KALRN: variants seen among roughly 807,000 people sequenced by gnomAD.
KALRN encodes kalirin.
KALRN carries 70 observed loss-of-function variants against 353.7 expected under a neutral mutation model. The observed-to-expected ratio is 0.20, with a 90% CI of 0.16 to 0.24. The LOEUF (loss-of-function observed/expected upper bound fraction) is 0.24. Ranked by LOEUF, KALRN falls within the 10% of genes least tolerant of loss-of-function variation. The pLI is 1.00. For missense variants in KALRN, 2,791 were observed against 3,756.7 expected (o/e 0.74, Z 6.72); for synonymous variants, 1,391 against 1,434.8 (o/e 0.97, Z 0.69).
intron 9 of KALRN, among the ~76,000 whole-genome samples, chr3:124,342,867 G>A (rs1008510221): frequency 1.3e-5 from 2 of 152,146 alleles, no homozygotes; most frequent in Non-Finnish European, 2.9e-5. Flanking sequence ...AAAAAAATAT[G>A]TTATGTCTGT....
chr3:124,605,918 A>G (rs556757409), intron 34 of KALRN, among the ~76,000 whole-genome samples: 1 of 152,194 alleles, frequency 6.6e-6, no homozygotes, highest in South Asian at 2.1e-4. Context: ...CTATCCCAAC[A>G]CACACATCAA....
At chr3:124,634,504 C>T (rs953448019) in intron 36 of KALRN, among the ~76,000 whole-genome samples, 5 of 152,202 alleles carry the variant, frequency 3.3e-5, no homozygotes, top group Non-Finnish European at 5.9e-5. Flanking sequence ...TTCCCCGGCC[C>T]GCTGGCATGC....
intron 33 of KALRN, among the ~76,000 whole-genome samples, chr3:124,545,521 G>A (rs567461579): frequency 2.0e-5 from 3 of 152,286 alleles, no homozygotes; most frequent in South Asian, 4.1e-4. Context: ...TGTAGGCAGT[G>A]TGGGAAGCTC....
intron 34 of KALRN, among the ~76,000 whole-genome samples, chr3:124,607,735 G>A (rs1265243492): frequency 1.3e-5 from 2 of 151,722 alleles, no homozygotes; most frequent in Non-Finnish European, 2.9e-5. Context: ...TCCTGCCTCA[G>A]CCTCTCAAGT....
At chr3:124,667,548 CACAGCT>C (rs2085798481) in intron 47 of KALRN, among the ~76,000 whole-genome samples, 1 of 152,192 alleles carries the variant, frequency 6.6e-6, no homozygotes, top group Admixed American at 6.5e-5. Context: ...TTCCACTTTT[CACAGCT>C]TCTGTAGTGT....
At chr3:124,096,752 A>G (rs991160323) in intron 1 of KALRN, 1 of 152,174 alleles carries the variant, frequency 6.6e-6, no homozygotes, top group South Asian at 2.1e-4. Context: ...TAATCTTAAA[A>G]ATTGGAATAT....
At chr3:124,268,394 T>C (rs2073811763) in intron 4 of KALRN, among the ~76,000 whole-genome samples, 1 of 152,164 alleles carries the variant, frequency 6.6e-6, no homozygotes, top group Non-Finnish European at 1.5e-5. Context: ...AGAAACTAGG[T>C]CAGTTTTTCT....
At chr3:124,623,427 C>CACACACACAA (rs139583497) in intron 34 of KALRN, among the ~76,000 whole-genome samples, 1 of 147,016 alleles carries the variant, frequency 6.8e-6, no homozygotes, top group Non-Finnish European at 1.5e-5. Flanking sequence ...CACACACACA[C>CACACACACAA]AAAAGGGAGT....
intron 1 of KALRN, among the ~76,000 whole-genome samples, chr3:124,218,540 C>T (rs2077568041): frequency 6.6e-6 from 1 of 152,186 alleles, no homozygotes; most frequent in African/African-American, 2.4e-5. Context: ...ACAAAAAAGA[C>T]AATAAATCTA....
intron 19 of KALRN, among the ~76,000 whole-genome samples, chr3:124,445,628 G>T (rs1418326402): frequency 6.6e-6 from 1 of 152,176 alleles, no homozygotes; most frequent in Non-Finnish European, 1.5e-5. Context: ...AGTGTTTAGA[G>T]GCTGTGCCGT....
rs747087120 is a variant in KALRN, at chr3:124,227,663, G to GTTTTTTTTT, written c.74-293_74-285dup. Among the ~76,000 whole-genome samples, 85 of 69,256 alleles carry GTTTTTTTTT rather than the reference G, an allele frequency of 1.2e-3. 14 individuals are homozygous for GTTTTTTTTT. Among genetic ancestry groups the GTTTTTTTTT allele is most frequent in the Non-Finnish European group, 1.7e-3 (59 of 34,492 alleles). The allele number at this position is 69,256 out of a possible 152,430, so 45.4% of individuals were successfully genotyped here. On this transcript the variant is annotated intron_variant, in intron 1 of 59. Transcript: ENST00000682506. ...CAAGTTGCTCAATAGCAACAGGGCT[G>GTTTTTTTTT]TTTTTTTTTTTTTTTTTTTTTTTTT...
intron 7 of KALRN, among the ~76,000 whole-genome samples, chr3:124,326,627 T>C (rs141875590): frequency 4.3e-4 from 66 of 152,318 alleles, no homozygotes; most frequent in Middle Eastern, 3.4e-3. Flanking sequence ...AGATAATAAT[T>C]ACTCGTACTT....
intron 1 of KALRN, among the ~76,000 whole-genome samples, chr3:124,161,181 C>A (rs1414603585): frequency 6.6e-6 from 1 of 152,102 alleles, no homozygotes; most frequent in Non-Finnish European, 1.5e-5. Flanking sequence ...CATCCCTCCC[C>A]CAAAAAAGTA....
chr3:124,049,090 T>C (rs1190039109), intron 1 of KALRN, among the ~76,000 whole-genome samples: 1 of 152,176 alleles, frequency 6.6e-6, no homozygotes. Context: ...ACACTTTTGT[T>C]AGTGACATTT....
At chr3:124,286,401 G>C (rs2075913220) in intron 5 of KALRN, among the ~76,000 whole-genome samples, 1 of 151,628 alleles carries the variant, frequency 6.6e-6, no homozygotes, top group South Asian at 2.1e-4. Flanking sequence ...ACAGGCGCCT[G>C]CCACCACGCC....
chr3:124,054,357 TTAAAAA>T (rs58523343), intron 1 of KALRN, among the ~76,000 whole-genome samples: 12 of 136,998 alleles, frequency 8.8e-5, no homozygotes, highest in African/African-American at 3.0e-4. Flanking sequence ...ACCCCATCAC[TTAAAAA>T]TAAAAATAAA....
At chr3:124,396,243 G>A (rs1201275218) in intron 12 of KALRN, among the ~76,000 whole-genome samples, 1 of 140,828 alleles carries the variant, frequency 7.1e-6, no homozygotes. Context: ...AGGGAATTAC[G>A]TCAATTGGAG....
At chr3:124,675,296 T>C (rs1456832244) in intron 49 of KALRN, 2 of 152,188 alleles carry the variant, frequency 1.3e-5, no homozygotes, top group African/African-American at 4.8e-5. Context: ...GAAACCCATA[T>C]GGATGAAGTC....
At chr3:124,562,060 G>A (rs1254930389) in intron 33 of KALRN, among the ~76,000 whole-genome samples, 2 of 152,176 alleles carry the variant, frequency 1.3e-5, no homozygotes, top group Non-Finnish European at 2.9e-5. Flanking sequence ...CCAGTGTGGA[G>A]ACAAGCCAGC....
Sources: allele counts gnomAD v4.1 joint callset (sites outside exome capture counted in the v4.1 genomes callset), GRCh38; gene constraint gnomAD v4.1.1; transcripts MANE v1.5; gene names NCBI Gene and HGNC (gene_info 2026-07-23, HGNC 2026-07-21).